Variants in NRXN3 observed in about 807,000 individuals in gnomAD.
The protein encoded by NRXN3 is neurexin III.
In NRXN3, 32 loss-of-function variants were observed where a neutral mutation model predicts 137.6. The ratio of observed to expected loss-of-function variants is 0.23; its 90% CI spans 0.18 to 0.31. The LOEUF (loss-of-function observed/expected upper bound fraction) is 0.31, where lower values mean the gene tolerates loss of function less well. Ranked by LOEUF, NRXN3 falls within the 10% of genes least tolerant of loss-of-function variation. The probability of loss-of-function intolerance (pLI) is 1.00; values close to 1 mark genes in which losing one functional copy is unlikely to be tolerated. For synonymous variants in NRXN3, 798 were observed against 784.5 expected, an observed-to-expected ratio of 1.02 and a Z score of -0.29; for missense variants, 1,574 against 2,062.5, an observed-to-expected ratio of 0.76 and a Z score of 4.59.
At chr14:78,998,925 T>G (rs1413843931) in intron 15 of NRXN3, among the ~76,000 whole-genome samples, 1 of 152,098 alleles carries the variant, frequency 6.6e-6, no homozygotes. Flanking sequence ...AAACACTTGA[T>G]TAAGCTCAGT....
At chr14:79,214,583 G>C (rs2068199856) in intron 15 of NRXN3, among the ~76,000 whole-genome samples, 1 of 152,204 alleles carries the variant, frequency 6.6e-6, no homozygotes, top group Non-Finnish European at 1.5e-5. Flanking sequence ...GTGCCTGATA[G>C]ATTATGTATA....
chr14:78,504,541 A>G (rs967979237), intron 4 of NRXN3, among the ~76,000 whole-genome samples: 2 of 152,248 alleles, frequency 1.3e-5, no homozygotes. Context: ...GTCTCTGTGT[A>G]TGGGGAAGGG....
chr14:79,356,167 T>C (rs1180821189), intron 15 of NRXN3, among the ~76,000 whole-genome samples: 1 of 152,218 alleles, frequency 6.6e-6, no homozygotes, highest in East Asian at 1.9e-4. Context: ...TGTTAAATTA[T>C]CCTAATGTAA....
chr14:79,130,409 A>G (rs1368999992), intron 15 of NRXN3, among the ~76,000 whole-genome samples: 2 of 151,922 alleles, frequency 1.3e-5, no homozygotes, highest in South Asian at 2.1e-4. Context: ...GCTTGTCTGT[A>G]ACGTATTTTA....
chr14:79,213,321 C>T (rs144216085), intron 15 of NRXN3, among the ~76,000 whole-genome samples: 1 of 152,038 alleles, frequency 6.6e-6, no homozygotes, highest in African/African-American at 2.4e-5. Flanking sequence ...AATGAACATA[C>T]CCCAGATTTC....
chr14:79,067,777 C>G (rs1038979175), intron 15 of NRXN3, among the ~76,000 whole-genome samples: 9 of 152,044 alleles, frequency 5.9e-5, no homozygotes, highest in Non-Finnish European at 1.2e-4. Flanking sequence ...ACTCTACCTT[C>G]AAATAAGTTC....
chr14:79,033,916 A>G (rs1242660771), intron 15 of NRXN3, among the ~76,000 whole-genome samples: 1 of 152,102 alleles, frequency 6.6e-6, no homozygotes, highest in Non-Finnish European at 1.5e-5. Context: ...TCTTTTAGCT[A>G]TTAGAACCTG....
intron 6 of NRXN3, among the ~76,000 whole-genome samples, chr14:78,673,338 G>C (rs1277542442): frequency 6.6e-6 from 1 of 152,138 alleles, no homozygotes; most frequent in East Asian, 1.9e-4. Flanking sequence ...TTTTTGTGTT[G>C]TTTTGATTTT....
intron 8 of NRXN3, among the ~76,000 whole-genome samples, chr14:78,762,919 G>A (rs1344961809): frequency 1.3e-5 from 2 of 152,134 alleles, no homozygotes; most frequent in African/African-American, 4.8e-5. Flanking sequence ...TTAGTCTTGA[G>A]GCATGTGGAG....
intron 6 of NRXN3, among the ~76,000 whole-genome samples, chr14:78,664,198 A>G (rs1228849384): frequency 6.6e-6 from 1 of 152,134 alleles, no homozygotes; most frequent in East Asian, 1.9e-4. Context: ...CAGATGTTCT[A>G]TCTCATACTT....
chr14:78,898,252 T>C (rs2152731115), intron 10 of NRXN3, among the ~76,000 whole-genome samples: 1 of 152,106 alleles, frequency 6.6e-6, no homozygotes, highest in African/African-American at 2.4e-5. Context: ...TGGTACCCCT[T>C]GTTCAGGACT....
Position 79,423,676 on chromosome 14 carries a change from G to A in NRXN3, c.3263-43545G>A, listed in dbSNP as rs17109176. ...GGTGAAAGCGTCGGTTGCTCTCATCGCCTCACAATCAGGCCAATTGGGCAT... is the reference window on the plus strand; with the variant it reads ...GGTGAAAGCGTCGGTTGCTCTCATCACCTCACAATCAGGCCAATTGGGCAT... On this transcript the variant is annotated intron_variant, in intron 15 of 20. Coordinates refer to ENST00000335750, the MANE Select transcript of NRXN3 (RefSeq NM_001330195.2). Among the ~76,000 whole-genome samples the A allele has an allele frequency of 1.1e-3, 174 of 152,200 alleles. 3 individuals carry two copies. In the East Asian group the frequency reaches 0.03, roughly 26 times the overall value.
chr14:79,343,286 G>A (rs528930190), intron 15 of NRXN3, among the ~76,000 whole-genome samples: 2 of 152,218 alleles, frequency 1.3e-5, no homozygotes, highest in African/African-American at 4.8e-5. Flanking sequence ...TTTGGGAAAG[G>A]GCTTTTATCG....
At chr14:78,335,760 T>A (rs2081387908) in intron 4 of NRXN3, among the ~76,000 whole-genome samples, 1 of 152,030 alleles carries the variant, frequency 6.6e-6, no homozygotes, top group African/African-American at 2.4e-5. Flanking sequence ...CAAAAATGAC[T>A]TCAGAGACCG....
intron 20 of NRXN3, among the ~76,000 whole-genome samples, chr14:79,859,216 C>T (rs1487993539): frequency 3.9e-5 from 6 of 152,084 alleles, no homozygotes; most frequent in Non-Finnish European, 7.3e-5. Flanking sequence ...ATTCTGTTGT[C>T]CCTTCCCTTC....
At chr14:79,796,462 C>T (rs1208847821) in intron 19 of NRXN3, among the ~76,000 whole-genome samples, 3 of 152,064 alleles carry the variant, frequency 2.0e-5, no homozygotes, top group African/African-American at 7.2e-5. Flanking sequence ...TCCTTCCTCC[C>T]TCCCCTCTCT....
intron 15 of NRXN3, among the ~76,000 whole-genome samples, chr14:79,172,192 G>A (rs1274694253): frequency 2.7e-5 from 4 of 147,836 alleles, no homozygotes; most frequent in Non-Finnish European, 1.5e-5. Context: ...ACTTGCTAGG[G>A]AAAAAAAAAA....
At chr14:79,749,668 T>A (rs893309395) in intron 19 of NRXN3, among the ~76,000 whole-genome samples, 4 of 152,116 alleles carry the variant, frequency 2.6e-5, no homozygotes, top group South Asian at 4.1e-4. Context: ...TCACATTGGA[T>A]GTCACCAATC....
chr14:79,092,290 C>A (rs558961603), intron 15 of NRXN3, among the ~76,000 whole-genome samples: 33 of 152,264 alleles, frequency 2.2e-4, no homozygotes, highest in African/African-American at 7.7e-4. Flanking sequence ...CTCCCTGCCT[C>A]TTCTTTTGTA....
Sources: gnomAD v4.1 joint callset for allele counts (sites outside exome capture counted in the v4.1 genomes callset) on GRCh38, gnomAD v4.1.1 for gene constraint, MANE v1.5 for transcripts, NCBI Gene and HGNC (gene_info 2026-07-23, HGNC 2026-07-21) for gene names.